The following DLC1 variants were observed in gnomAD, a reference collection of about 807,000 sequenced individuals.
DLC1 encodes rho GTPase-activating protein 7.
DLC1 carries 54 observed loss-of-function variants against 140.3 expected under a neutral mutation model. That is an observed-to-expected ratio of 0.38 (90% CI 0.31 to 0.48). The LOEUF (loss-of-function observed/expected upper bound fraction) is 0.48, where lower values mean the gene tolerates loss of function less well. Ranked by LOEUF, DLC1 falls within the 20% of genes least tolerant of loss-of-function variation. The probability of loss-of-function intolerance (pLI) is 0.96; values close to 1 mark genes in which losing one functional copy is unlikely to be tolerated. For missense variants in DLC1, 2,536 were observed against 1,907.0 expected (o/e 1.33, Z -6.14); for synonymous variants, 986 against 728.1 (o/e 1.35, Z -5.70).
chr8:13,240,138 T>G (rs1829476054), intron 5 of DLC1, among the ~76,000 whole-genome samples: 1 of 152,114 alleles, frequency 6.6e-6, no homozygotes, highest in Non-Finnish European at 1.5e-5. Flanking sequence ...CTGTGGAAGT[T>G]ACACCTCAAG....
At position 13,409,800 on chromosome 8, in the gene DLC1, G is replaced by A. The variant is rs181895258; in HGVS notation, c.1024-8181C>T. On this transcript the variant is annotated intron_variant, in intron 2 of 17. Coordinates refer to ENST00000276297, the MANE Select transcript of DLC1 (RefSeq NM_182643.3). ...CTTCAGTGAGTAGTAGTTTTCAATA[G>A]CGGCAGATTGTCAGTATACTTGTAT... is the stretch of plus-strand genomic sequence containing the variant. 1.5e-3 allele frequency among the ~76,000 whole-genome samples: 224 copies of A among 152,242 alleles called. 5 individuals are homozygous for A. In the South Asian group the frequency reaches 0.039, roughly 27 times the overall value.
intron 5 of DLC1, chr8:13,214,867 G>T: frequency 2.8e-6 from 2 of 718,474 alleles, no homozygotes; most frequent in Non-Finnish European, 5.1e-6. Flanking sequence ...TGGGTCTCAT[G>T]ACAGGGCTTT....
chr8:13,299,295 A>T (rs1832088374), intron 5 of DLC1, among the ~76,000 whole-genome samples: 1 of 151,812 alleles, frequency 6.6e-6, no homozygotes, highest in African/African-American at 2.4e-5. Flanking sequence ...ATATAAAAAA[A>T]AAATTAGCCA....
intron 5 of DLC1, among the ~76,000 whole-genome samples, chr8:13,217,592 T>G (rs572608263): frequency 6.6e-5 from 10 of 152,096 alleles, no homozygotes; most frequent in Non-Finnish European, 1.5e-4. Context: ...CCCAGCACTT[T>G]GGGAGGCTGA....
In DLC1 at chr8:13,457,379, G is replaced by C. The variant is rs144334226; in HGVS notation, c.1023+41670C>G. Among the ~76,000 whole-genome samples, 627 of 152,090 alleles carry C rather than the reference G, an allele frequency of 4.1e-3. 8 individuals are homozygous for C. Among genetic ancestry groups the C allele is most frequent in the African/African-American group, 0.015 (608 of 41,512 alleles). ...AATTCTTAGAAACAAAATCAAAAGA[G>C]ATAAAGTTAGATGATGTTGCTGGGC... On this transcript the variant is annotated intron_variant, in intron 2 of 17. Coordinates refer to ENST00000276297, the MANE Select transcript of DLC1 (RefSeq NM_182643.3).
At position 13,247,147 on chromosome 8, in the gene DLC1, C is replaced by G. The variant is rs6982825; in HGVS notation, c.1348+58122G>C. 2.0e-5 allele frequency among the ~76,000 whole-genome samples: 3 copies of G among 151,976 alleles called. No individual in the cohort carries two copies. In the East Asian group the frequency reaches 5.8e-4, roughly 29 times the overall value. ...CACTGAAAATATTAGAGACAAAAGG[C>G]AAAAATATTGCTGAAATGATGGCAA... On this transcript the variant is annotated intron_variant, in intron 5 of 17. Transcript: ENST00000276297.
intron 4 of DLC1, among the ~76,000 whole-genome samples, chr8:13,376,720 C>T (rs1293955572): frequency 6.6e-6 from 1 of 152,114 alleles, no homozygotes; most frequent in African/African-American, 2.4e-5. Flanking sequence ...GGTAACATTT[C>T]AAAGTTTTGG....
intron 1 of DLC1, among the ~76,000 whole-genome samples, chr8:13,601,193 C>T (rs1805870651): frequency 6.6e-6 from 1 of 151,730 alleles, no homozygotes. Context: ...TACAATAAGG[C>T]TCAGTCAGCT....
At chr8:13,443,797 C>G (rs1798653537) in intron 2 of DLC1, among the ~76,000 whole-genome samples, 1 of 151,970 alleles carries the variant, frequency 6.6e-6, no homozygotes, top group Admixed American at 6.6e-5. Flanking sequence ...AATGAATATC[C>G]AAAAACACAG....
intron 4 of DLC1, among the ~76,000 whole-genome samples, chr8:13,310,607 G>A (rs999697533): frequency 2.0e-5 from 3 of 152,154 alleles, no homozygotes; most frequent in African/African-American, 7.2e-5. Context: ...AGGAAAGAAG[G>A]TACATGGGAA....
At position 13,531,955 on chromosome 8, in the gene DLC1, T is replaced by C. The variant is rs1377567701; in HGVS notation, c.-125-31759A>G. On this transcript the variant is annotated intron_variant, in intron 1 of 1. Coordinates refer to the DLC1 transcript ENST00000631382. ...CTTTAACTTGCTTATGTCACTCAGC[T>C]AGTTAGGGGCAAGACTCTCCGCTCC... Among the ~76,000 whole-genome samples the C allele has an allele frequency of 2.0e-4, 31 of 152,210 alleles. 1 individual carries two copies. Among genetic ancestry groups the C allele is most frequent in the Admixed American group, 2.0e-3 (31 of 15,284 alleles).
At chr8:13,510,384 T>C (rs569760499) in intron 1 of DLC1, among the ~76,000 whole-genome samples, 40 of 152,020 alleles carry the variant, frequency 2.6e-4, no homozygotes, top group Admixed American at 5.9e-4. Flanking sequence ...ACCATGTTGG[T>C]CAGGCTGGTC....
intron 2 of DLC1, among the ~76,000 whole-genome samples, chr8:13,443,674 AAG>A (rs1376112539): frequency 2.4e-4 from 37 of 151,276 alleles, no homozygotes; most frequent in African/African-American, 8.7e-4. Context: ...AAAAAAAAAA[AAG>A]AAAAAGAAAA....
At chr8:13,353,748 T>G (rs977224746) in intron 4 of DLC1, among the ~76,000 whole-genome samples, 1 of 151,824 alleles carries the variant, frequency 6.6e-6, no homozygotes, top group Non-Finnish European at 1.5e-5. Context: ...ACCCAGCTAT[T>G]TGGGAGGCTG....
At position 13,527,130 on chromosome 8, in the gene DLC1, G is replaced by A. The variant is rs1450815673; in HGVS notation, c.-125-26934C>T. ...ATTTTATAACTTAAAGCTACTGATC[G>A]ATTGAGTGACTGTTGTTGTTGCTTT... On this transcript the variant is annotated intron_variant, in intron 1 of 1. Transcript: ENST00000631382. Among the ~76,000 whole-genome samples, 9 of 152,070 alleles carry A rather than the reference G, an allele frequency of 5.9e-5. No individual in the cohort carries two copies. In the East Asian group the frequency reaches 1.2e-3, roughly 20 times the overall value.
intron 5 of DLC1, among the ~76,000 whole-genome samples, chr8:13,123,887 G>C (rs1821333713): frequency 1.3e-5 from 2 of 151,984 alleles, no homozygotes; most frequent in Non-Finnish European, 2.9e-5. Flanking sequence ...TTCTGACCAG[G>C]ATCCCCAATA....
intron 5 of DLC1, among the ~76,000 whole-genome samples, chr8:13,189,823 G>A (rs1470956533): frequency 1.3e-5 from 2 of 151,730 alleles, no homozygotes; most frequent in African/African-American, 4.8e-5. Flanking sequence ...CAGAGGTTGC[G>A]GTGAGCCAAG....
chr8:13,261,049 T>G (rs900526492), intron 5 of DLC1, among the ~76,000 whole-genome samples: 1 of 152,264 alleles, frequency 6.6e-6, no homozygotes. Flanking sequence ...GGCACGTTTC[T>G]AAGCACTAGG....
intron 5 of DLC1, among the ~76,000 whole-genome samples, chr8:13,202,931 C>T (rs1300904540): frequency 1.3e-5 from 2 of 152,164 alleles, no homozygotes; most frequent in African/African-American, 4.8e-5. Context: ...GCCTCAGCCT[C>T]CCAAAATGCT....
Sources: allele counts gnomAD v4.1 joint callset (sites outside exome capture counted in the v4.1 genomes callset), GRCh38; gene constraint gnomAD v4.1.1; transcripts MANE v1.5; gene names NCBI Gene and HGNC (gene_info 2026-07-23, HGNC 2026-07-21).